Variants in HS6ST3 observed in about 807,000 individuals in gnomAD.
HS6ST3 encodes the protein heparan sulfate 6-O-sulfotransferase 3.
Under a neutral mutation model 36.7 loss-of-function variants are expected in HS6ST3, and 12 were observed. That is an observed-to-expected ratio of 0.33 (90% CI 0.21 to 0.53). HS6ST3 has a LOEUF of 0.53. HS6ST3 is among the 20% of genes least tolerant of loss of function. The pLI is 0.95. For missense variants in HS6ST3, 584 were observed against 640.9 expected (o/e 0.91, Z 0.96); for synonymous variants, 240 against 257.5 (o/e 0.93, Z 0.65).
At chr13:96,446,492 C>T (rs879565511) in intron 1 of HS6ST3, among the ~76,000 whole-genome samples, 1 of 152,178 alleles carries the variant, frequency 6.6e-6, no homozygotes, top group Non-Finnish European at 1.5e-5. Context: ...TTTTTCCCCT[C>T]TCACAATGAT....
intron 1 of HS6ST3, among the ~76,000 whole-genome samples, chr13:96,338,585 C>T (rs1017885778): frequency 7.9e-5 from 12 of 152,156 alleles, no homozygotes; most frequent in African/African-American, 1.2e-4. Flanking sequence ...GTCAGTTGTT[C>T]GTATGCTGCC....
intron 1 of HS6ST3, among the ~76,000 whole-genome samples, chr13:96,191,178 C>T (rs1166664181): frequency 6.6e-6 from 1 of 152,180 alleles, no homozygotes; most frequent in Non-Finnish European, 1.5e-5. Context: ...CATGCCATCA[C>T]CATTCATGGC....
At chr13:96,483,212 C>T (rs1440984691) in intron 1 of HS6ST3, among the ~76,000 whole-genome samples, 8 of 152,218 alleles carry the variant, frequency 5.3e-5, no homozygotes, top group East Asian at 1.9e-4. Flanking sequence ...GCATGTATGA[C>T]GGTCAGGGAA....
intron 1 of HS6ST3, among the ~76,000 whole-genome samples, chr13:96,594,583 A>G (rs2138977892): frequency 6.6e-6 from 1 of 152,314 alleles, no homozygotes; most frequent in East Asian, 1.9e-4. Flanking sequence ...TGACACACAC[A>G]CGTGTACACA....
At chr13:96,505,666 A>G (rs2056023292) in intron 1 of HS6ST3, among the ~76,000 whole-genome samples, 1 of 152,132 alleles carries the variant, frequency 6.6e-6, no homozygotes, top group Non-Finnish European at 1.5e-5. Context: ...ACAACTTCAC[A>G]TGGGTAGACT....
At chr13:96,653,544 C>CT (rs1208340519) in intron 1 of HS6ST3, among the ~76,000 whole-genome samples, 4 of 152,060 alleles carry the variant, frequency 2.6e-5, no homozygotes, top group Non-Finnish European at 5.9e-5. Context: ...TGAACTCATC[C>CT]TTTTTTATGG....
In HS6ST3 at chr13:96,742,060, A is replaced by G. The variant is rs73562310; in HGVS notation, c.708-90430A>G. 9.4e-3 allele frequency among the ~76,000 whole-genome samples: 1,424 copies of G among 152,200 alleles called. 27 individuals carry two copies. The highest frequency in any genetic ancestry group is 0.032 in the African/African-American group (1,347 of 41,534). ...TTATATGAACATCCCGTTGAGAGAG[A>G]GTGTGTGAAAGCGGTAGCTATGACA... On this transcript the variant is annotated intron_variant, in intron 1 of 1. Coordinates refer to ENST00000376705, the MANE Select transcript of HS6ST3 (RefSeq NM_153456.4).
chr13:96,408,436 A>G (rs1433019914), intron 1 of HS6ST3, among the ~76,000 whole-genome samples: 3 of 152,226 alleles, frequency 2.0e-5, no homozygotes, highest in Non-Finnish European at 2.9e-5. Flanking sequence ...ACAATATGGT[A>G]GCTTTACTTA....
At chr13:96,152,316 C>CTTTTTTTTTTTTTT (rs766489670) in intron 1 of HS6ST3, among the ~76,000 whole-genome samples, 3 of 97,078 alleles carry the variant, frequency 3.1e-5, no homozygotes, top group Non-Finnish European at 6.2e-5. Context: ...GGCCCCTTTC[C>CTTTTTTTTTTTTTT]TTTTTTTTTT....
chr13:96,815,078 C>T (rs933739326), intron 1 of HS6ST3, among the ~76,000 whole-genome samples: 6 of 152,070 alleles, frequency 3.9e-5, no homozygotes, highest in African/African-American at 1.4e-4. Flanking sequence ...ACAAAAGTAC[C>T]ACTAACTGGG....
chr13:96,428,459 C>A (rs544971044), intron 1 of HS6ST3, among the ~76,000 whole-genome samples: 3 of 152,272 alleles, frequency 2.0e-5, no homozygotes, highest in Non-Finnish European at 2.9e-5. Context: ...GGGTTGGTTT[C>A]TTTTGTGGTC....
intron 1 of HS6ST3, among the ~76,000 whole-genome samples, chr13:96,494,323 C>T (rs2055962168): frequency 7.1e-6 from 1 of 140,220 alleles, no homozygotes; most frequent in African/African-American, 2.7e-5. Context: ...TGTTCTCACT[C>T]ATAGGTGGGA....
In HS6ST3 at chr13:96,353,868, A is replaced by G. The variant is rs147272434; in HGVS notation, c.707+262299A>G. Among the ~76,000 whole-genome samples, 367 of 152,270 alleles carry G rather than the reference A, an allele frequency of 2.4e-3. 1 individual carries two copies. Among genetic ancestry groups the G allele is most frequent in the South Asian group, 5.8e-3 (28 of 4,822 alleles). On this transcript the variant is annotated intron_variant, in intron 1 of 1. Transcript: ENST00000376705. ...CTCAGCTTCGCATTTAAATAAACTT[A>G]TTTTCACCTACCACACTGGCATATG...
chr13:96,200,316 C>G (rs897884794), intron 1 of HS6ST3, among the ~76,000 whole-genome samples: 7 of 152,138 alleles, frequency 4.6e-5, no homozygotes, highest in Middle Eastern at 3.2e-3. Context: ...GAACTTATCT[C>G]TTATCACTCT....
chr13:96,350,622 GA>G lies in HS6ST3; in HGVS notation c.707+259059del, dbSNP rs376024110. 1.0e-3 allele frequency among the ~76,000 whole-genome samples: 155 copies of G among 152,260 alleles called. 3 individuals are homozygous for G. The highest frequency in any genetic ancestry group is 3.6e-3 in the African/African-American group (148 of 41,552). ...TGTTCTTCTGTTAGACATAGATAAG[GA>G]AAAAATTGACACTGAACAACTGTAG... On this transcript the variant is annotated intron_variant, in intron 1 of 1. Transcript: ENST00000376705.
chr13:96,541,853 T>C (rs2056179079), intron 1 of HS6ST3, among the ~76,000 whole-genome samples: 1 of 152,238 alleles, frequency 6.6e-6, no homozygotes, highest in South Asian at 2.1e-4. Context: ...ATTTTCCTGG[T>C]AGACTACAAC....
At chr13:96,395,582 A>G (rs1940504500) in intron 1 of HS6ST3, among the ~76,000 whole-genome samples, 1 of 152,158 alleles carries the variant, frequency 6.6e-6, no homozygotes, top group South Asian at 2.1e-4. Flanking sequence ...TGGCGGACTT[A>G]GTAATTCTCG....
chr13:96,787,189 G>C (rs1297253315), intron 1 of HS6ST3, among the ~76,000 whole-genome samples: 1 of 152,092 alleles, frequency 6.6e-6, no homozygotes, highest in Non-Finnish European at 1.5e-5. Context: ...ATAAACATTT[G>C]TGAACAAGTT....
intron 1 of HS6ST3, among the ~76,000 whole-genome samples, chr13:96,570,416 T>C (rs1044259869): frequency 5.9e-5 from 9 of 152,226 alleles, no homozygotes; most frequent in African/African-American, 1.9e-4. Flanking sequence ...GTGGAAATAA[T>C]ATCCCAGATT....
Sources: allele counts gnomAD v4.1 joint callset (sites outside exome capture counted in the v4.1 genomes callset), GRCh38; gene constraint gnomAD v4.1.1; transcripts MANE v1.5; gene names NCBI Gene and HGNC (gene_info 2026-07-23, HGNC 2026-07-21).